CEP128: variants seen among roughly 807,000 people sequenced by gnomAD.
CEP128 encodes the protein centrosomal protein 128kDa.
A neutral mutation model predicts 156.7 loss-of-function variants in CEP128; 132 were observed. The observed-to-expected ratio is 0.84, with a 90% CI of 0.73 to 0.97. The LOEUF (loss-of-function observed/expected upper bound fraction) is 0.97. CEP128 is among the 50% of genes least tolerant of loss of function. The pLI, the probability that CEP128 is intolerant of heterozygous loss-of-function variation, is 0.00. For synonymous variants in CEP128, 469 were observed against 448.9 expected (o/e 1.04, Z -0.57); for missense variants, 1,252 against 1,281.9 (o/e 0.98, Z 0.36).
At chr14:80,894,582 G>A (rs1278137116) in intron 8 of CEP128, 3 of 464,602 alleles carry the variant, frequency 6.5e-6, no homozygotes, top group Non-Finnish European at 8.6e-6. Context: ...TTCCACATTA[G>A]ATACCACATT....
At chr14:80,839,023 T>C (rs1161804897) in intron 10 of CEP128, among the ~76,000 whole-genome samples, 1 of 152,084 alleles carries the variant, frequency 6.6e-6, no homozygotes, top group Non-Finnish European at 1.5e-5. Context: ...GGCGTGAACC[T>C]GGGAGGCAGA....
chr14:80,600,800 A>G (rs1156337566), intron 19 of CEP128, among the ~76,000 whole-genome samples: 1 of 152,152 alleles, frequency 6.6e-6, no homozygotes, highest in Non-Finnish European at 1.5e-5. Context: ...ATTTAAAGCA[A>G]TAATTATAAG....
chr14:80,590,511 T>A (rs895012155), intron 19 of CEP128, among the ~76,000 whole-genome samples: 1 of 151,880 alleles, frequency 6.6e-6, no homozygotes, highest in African/African-American at 2.4e-5. Context: ...GAAAATACTG[T>A]TTAGGAATAA....
chr14:80,663,622 A>T (rs1895489281), intron 19 of CEP128, among the ~76,000 whole-genome samples: 1 of 152,198 alleles, frequency 6.6e-6, no homozygotes, highest in African/African-American at 2.4e-5. Flanking sequence ...GCACTGACTG[A>T]GCCTCTTCTC....
Position 80,616,456 on chromosome 14 carries a change from G to C in CEP128, c.2807-36033C>G, listed in dbSNP as rs566815471. Among the ~76,000 whole-genome samples, 4 of 152,306 alleles carry C rather than the reference G, an allele frequency of 2.6e-5. No homozygotes were observed. The South Asian group carries it at 8.3e-4, about 32-fold the overall frequency. ...TTACCACTGGGAAATAGCAAAGTTG[G>C]ACATCTAATTCAGGTCTGACTTCAG... On this transcript the variant is annotated intron_variant, in intron 19 of 24. Transcript: ENST00000555265.
chr14:80,531,352 A>G (rs1205465589), intron 21 of CEP128, among the ~76,000 whole-genome samples: 1 of 152,210 alleles, frequency 6.6e-6, no homozygotes, highest in East Asian at 1.9e-4. Context: ...ATTTCAGTTA[A>G]AAGGGAAAGA....
chr14:80,918,196 A>G (rs528667416), intron 2 of CEP128, among the ~76,000 whole-genome samples: 1 of 152,352 alleles, frequency 6.6e-6, no homozygotes, highest in African/African-American at 2.4e-5. Flanking sequence ...GCTTAAGTCC[A>G]AAGGAAAAAA....
chr14:80,673,984 A>G (rs1227546511), intron 19 of CEP128, among the ~76,000 whole-genome samples: 1 of 152,158 alleles, frequency 6.6e-6, no homozygotes, highest in Non-Finnish European at 1.5e-5. Flanking sequence ...AAATAAACAA[A>G]AAGAAATAGG....
At chr14:80,588,542 C>A (rs945360448) in intron 19 of CEP128, among the ~76,000 whole-genome samples, 1 of 151,978 alleles carries the variant, frequency 6.6e-6, no homozygotes, top group African/African-American at 2.4e-5. Context: ...GGAGATACAA[C>A]TGAAAATTTT....
intron 19 of CEP128, among the ~76,000 whole-genome samples, chr14:80,732,630 TGAGAGTATTC>T (rs1165837286): frequency 2.6e-5 from 4 of 152,112 alleles, no homozygotes; most frequent in African/African-American, 9.7e-5. Context: ...TGTATTAATT[TGAGAGTATTC>T]GAGGTTATTT....
chr14:80,772,886 A>C (rs1025156494), intron 16 of CEP128, among the ~76,000 whole-genome samples: 1 of 152,216 alleles, frequency 6.6e-6, no homozygotes, highest in Admixed American at 6.5e-5. Flanking sequence ...AATGCTTGTT[A>C]AACAAAAGGT....
chr14:80,579,892 T>C (rs1891515066), intron 20 of CEP128, among the ~76,000 whole-genome samples: 1 of 152,180 alleles, frequency 6.6e-6, no homozygotes, highest in South Asian at 2.1e-4. Context: ...TCTAACACCA[T>C]TTTCCAGCCC....
At chr14:80,871,500 A>T (rs1189853033) in intron 8 of CEP128, among the ~76,000 whole-genome samples, 1 of 152,142 alleles carries the variant, frequency 6.6e-6, no homozygotes, top group Admixed American at 6.6e-5. Flanking sequence ...ATGGAATATG[A>T]TGCCATTTCC....
At chr14:80,863,001 C>A in intron 8 of CEP128, 128 bp from the exon 9 acceptor site, 1 of 568,064 alleles carries the variant, frequency 1.8e-6, no homozygotes, top group Non-Finnish European at 3.0e-6. Flanking sequence ...TTTGCAAAGC[C>A]CCTTCTAATG....
chr14:80,480,074 T>G (rs1035192629), intron 14 of CEP128, among the ~76,000 whole-genome samples: 10 of 152,162 alleles, frequency 6.6e-5, no homozygotes, highest in African/African-American at 2.4e-4. Context: ...GGGCTGGTGT[T>G]GAGTGTCTGT....
intron 14 of CEP128, among the ~76,000 whole-genome samples, chr14:80,484,847 T>A (rs1008934834): frequency 1.3e-5 from 2 of 151,680 alleles, no homozygotes; most frequent in African/African-American, 2.4e-5. Flanking sequence ...CTGGCATGAA[T>A]ATTGCACGGG....
At chr14:80,691,223 T>C (rs935274096) in intron 19 of CEP128, among the ~76,000 whole-genome samples, 2 of 152,200 alleles carry the variant, frequency 1.3e-5, no homozygotes, top group Non-Finnish European at 2.9e-5. Flanking sequence ...CTTTATTTTC[T>C]TTTTCTAAAT....
At chr14:80,859,865 C>A (rs2071253127) in intron 9 of CEP128, among the ~76,000 whole-genome samples, 1 of 152,138 alleles carries the variant, frequency 6.6e-6, no homozygotes, top group East Asian at 1.9e-4. Context: ...CCACAGAATG[C>A]CTCCCTGTAA....
At chr14:80,756,741 T>G (rs1326186395) in intron 18 of CEP128, 151 bp downstream of exon 18, 9 of 574,714 alleles carry the variant, frequency 1.6e-5, no homozygotes, top group Non-Finnish European at 2.8e-5. Context: ...ACATGGAGAT[T>G]CCCTAAGTGG....
Sources: gnomAD v4.1 joint callset for allele counts (sites outside exome capture counted in the v4.1 genomes callset) on GRCh38, gnomAD v4.1.1 for gene constraint, MANE v1.5 for transcripts, NCBI Gene and HGNC (gene_info 2026-07-23, HGNC 2026-07-21) for gene names.